Variants in GUCY2C observed in about 807,000 individuals in gnomAD.
The protein encoded by GUCY2C is guanylyl cyclase C.
A neutral mutation model predicts 131.1 loss-of-function variants in GUCY2C; 118 were observed. The observed-to-expected ratio is 0.90, with a 90% CI of 0.78 to 1.05. GUCY2C has a LOEUF of 1.05. GUCY2C is among the 50% of genes least tolerant of loss of function. The pLI is 0.00. For missense variants in GUCY2C, 1,161 were observed against 1,304.4 expected (o/e 0.89, Z 1.69); for synonymous variants, 452 against 457.8 (o/e 0.99, Z 0.16).
intron 9 of GUCY2C, among the ~76,000 whole-genome samples, chr12:14,670,785 C>T (rs549990099): frequency 1.1e-4 from 16 of 151,788 alleles, no homozygotes; most frequent in Admixed American, 2.6e-4. Flanking sequence ...TCCCCAGCCT[C>T]GCTGGGGAGT....
At chr12:14,685,462 T>G (rs1948450685) in intron 3 of GUCY2C, among the ~76,000 whole-genome samples, 1 of 152,206 alleles carries the variant, frequency 6.6e-6, no homozygotes, top group Non-Finnish European at 1.5e-5. Context: ...TGAAGCGTGA[T>G]TCTTGATTCA....
At chr12:14,691,622 C>G (rs745741564) in intron 1 of GUCY2C, among the ~76,000 whole-genome samples, 15 of 152,226 alleles carry the variant, frequency 9.9e-5, no homozygotes, top group South Asian at 2.1e-4. Flanking sequence ...CCTCCTGCCT[C>G]TATGAGGGCT....
At chr12:14,685,332 G>T (rs1197073488) in intron 3 of GUCY2C, among the ~76,000 whole-genome samples, 1 of 152,160 alleles carries the variant, frequency 6.6e-6, no homozygotes, top group African/African-American at 2.4e-5. Flanking sequence ...ATCTGAGGCT[G>T]TTTGTAATGG....
At chr12:14,631,280 T>C (rs1258380231) in intron 19 of GUCY2C, among the ~76,000 whole-genome samples, 1 of 152,190 alleles carries the variant, frequency 6.6e-6, no homozygotes, top group East Asian at 1.9e-4. Context: ...GTGCACAATG[T>C]GCAGGTTAGT....
chr12:14,674,243 C>T, intron 8 of GUCY2C: 1 of 288,000 alleles, frequency 3.5e-6, no homozygotes, highest in Admixed American at 4.4e-5. Flanking sequence ...AACACAGGGT[C>T]CCAGATCCTT....
intron 23 of GUCY2C, chr12:14,619,804 G>A (rs563766299): frequency 2.6e-4 from 39 of 152,912 alleles, no homozygotes; most frequent in Non-Finnish European, 5.0e-4. Context: ...ATAACTTTCC[G>A]TAAGCATTTC....
At chr12:14,650,905 G>A (rs1441597029) in intron 15 of GUCY2C, among the ~76,000 whole-genome samples, 3 of 152,100 alleles carry the variant, frequency 2.0e-5, no homozygotes, top group Non-Finnish European at 4.4e-5. Flanking sequence ...TAGTATGAAA[G>A]CTAATATTCT....
chr12:14,677,592 CAG>C (rs1340362711), intron 6 of GUCY2C, among the ~76,000 whole-genome samples: 2 of 151,962 alleles, frequency 1.3e-5, no homozygotes, highest in Non-Finnish European at 2.9e-5. Context: ...TATTTTTAGA[CAG>C]AGTTTCACTC....
rs3217157 is a variant in GUCY2C, at chr12:14,674,529, AATC to A, written c.1084+93_1084+95del. 0.82 allele frequency: 900,241 copies of A among 1,093,440 alleles called. 373,737 individuals carry two copies. The highest frequency in any genetic ancestry group is 0.86 in the Non-Finnish European group (608,713 of 710,970). 67.7% of individuals were successfully genotyped at this position (1,093,440 alleles called of 1,614,324 possible). On this transcript the variant is annotated intron_variant, in intron 8 of 26. Transcript: ENST00000261170. ...TGAGTTCAAAGGGATTTAGCTGTGG[AATC>A]ATCTATTGCTAAACCTTCTTTGTTG... is the stretch of plus-strand genomic sequence containing the variant.
At chr12:14,675,686 G>A (rs1317357789) in intron 7 of GUCY2C, among the ~76,000 whole-genome samples, 1 of 152,134 alleles carries the variant, frequency 6.6e-6, no homozygotes, top group African/African-American at 2.4e-5. Flanking sequence ...CTGGAGAATG[G>A]TGACCTTCAC....
chr12:14,673,086 C>T (rs1346514301), intron 8 of GUCY2C, 128 bp from the exon 9 acceptor site: 16 of 631,586 alleles, frequency 2.5e-5, no homozygotes, highest in Middle Eastern at 2.5e-4. Flanking sequence ...ACATTGTTGA[C>T]ATTAATAGTC....
chr12:14,689,089 G>T (rs1948530023), intron 1 of GUCY2C, among the ~76,000 whole-genome samples: 2 of 152,344 alleles, frequency 1.3e-5, no homozygotes, highest in South Asian at 4.1e-4. Context: ...AGAATAGATT[G>T]TGGGGAACAG....
rs1464407243 is a variant in GUCY2C, at chr12:14,645,222, C to T, written c.1797+7G>A. ...TTTCATATTTTCTGTGTGTGTGTTT[C>T]TCTTACCTTAGCAATGTCATACAAG... On this transcript the variant is annotated splice_region_variant and intron_variant, in intron 16 of 26. Transcript: ENST00000261170. 2.9e-5 allele frequency: 41 copies of T among 1,423,186 alleles called. No homozygotes were observed. Among genetic ancestry groups the T allele is most frequent in the Non-Finnish European group, 3.9e-5 (39 of 1,011,384 alleles). The allele number at this position is 1,423,186 out of a possible 1,614,324, so 88.2% of individuals were successfully genotyped here.
In GUCY2C at chr12:14,674,711, C is replaced by G; in HGVS notation, c.998G>C (p.Gly333Ala). Residue 333 changes from glycine to alanine, a missense_variant, in exon 8 of 27, where the codon GGA (glycine) becomes GCA (alanine). Physicochemically the swap from Gly to Ala is moderately conservative, Grantham distance 60 (BLOSUM62 0). Coordinates refer to ENST00000261170, the MANE Select transcript of GUCY2C (RefSeq NM_004963.4). Reference protein sequence around the residue: ...LAYLNGILLFGHMLKIFLENG... With the variant: ...LAYLNGILLFAHMLKIFLENG... The stretch of plus-strand genomic sequence containing the variant: ...TTCAAGAAATATCTTCAGCATATGT[C>G]CAAAGAGCAGGATTCCATTCAAATA... 1 of 1,611,564 alleles carries G rather than the reference C, an allele frequency of 6.2e-7. No individual in the cohort carries two copies. Among genetic ancestry groups the G allele is most frequent in the Non-Finnish European group, 8.5e-7 (1 of 1,177,960 alleles).
At chr12:14,616,802 AAC>A in intron 24 of GUCY2C, 75 bp from the exon 25 acceptor site, 1 of 818,080 alleles carries the variant, frequency 1.2e-6, no homozygotes, top group South Asian at 1.3e-5. Context: ...TCAGGATATC[AAC>A]AACACCTGAG....
intron 23 of GUCY2C, chr12:14,619,654 A>T (rs535688569): frequency 4.6e-6 from 1 of 219,380 alleles, no homozygotes; most frequent in East Asian, 1.1e-4. Flanking sequence ...GTGCCAAACC[A>T]CACAACCCTG....
chr12:14,619,526 C>T (rs747813103), intron 23 of GUCY2C, among the ~76,000 whole-genome samples: 3 of 152,054 alleles, frequency 2.0e-5, no homozygotes, highest in Non-Finnish European at 2.9e-5. Flanking sequence ...ATTTTGCTCT[C>T]GCAAAGAAAA....
At chr12:14,692,348 G>T (rs184942378) in intron 1 of GUCY2C, among the ~76,000 whole-genome samples, 2 of 151,790 alleles carry the variant, frequency 1.3e-5, no homozygotes, top group Non-Finnish European at 2.9e-5. Flanking sequence ...CTTCTCACTC[G>T]CTTTGTTTTT....
intron 17 of GUCY2C, 91 bp from the exon 18 acceptor site, chr12:14,641,310 A>G (rs566710550): frequency 7.9e-7 from 1 of 1,265,526 alleles, no homozygotes; most frequent in Non-Finnish European, 1.1e-6. Flanking sequence ...TCCCTACACC[A>G]TCCACTCTAA....
Sources: gnomAD v4.1 joint callset for allele counts (sites outside exome capture counted in the v4.1 genomes callset) on GRCh38, gnomAD v4.1.1 for gene constraint, MANE v1.5 for transcripts, NCBI Gene and HGNC (gene_info 2026-07-23, HGNC 2026-07-21) for gene names.